CFAP107: variants seen among roughly 807,000 people sequenced by gnomAD.
CFAP107 encodes the protein cilia and flagella associated protein 107.
chr1:12,760,355 G>T, the CFAP107 span, among the ~76,000 whole-genome samples: 1 of 152,208 alleles, frequency 6.6e-6, no homozygotes, highest in South Asian at 2.1e-4. Context: ...GATGCAAAGG[G>T]ACACAGGTCA....
At chr1:12,759,422 C>T in the CFAP107 span, 1 of 1,614,158 alleles carries the variant, frequency 6.2e-7, no homozygotes, top group Non-Finnish European at 8.5e-7. Flanking sequence ...GGGCTGCCTC[C>T]ACTCCGCACT....
the CFAP107 span, chr1:12,760,858 A>G: frequency 6.2e-7 from 1 of 1,614,088 alleles, no homozygotes; most frequent in Non-Finnish European, 8.5e-7. Context: ...CTTATACTTC[A>G]TCCTACCCCA....
chr1:12,757,909 C>T, the CFAP107 span, among the ~76,000 whole-genome samples: 1 of 152,128 alleles, frequency 6.6e-6, no homozygotes, highest in Non-Finnish European at 1.5e-5. Flanking sequence ...CAACCGCCTC[C>T]TTTATCTAAT....
At chr1:12,759,637 G>A in the CFAP107 span, 1 of 863,006 alleles carries the variant, frequency 1.2e-6, no homozygotes, top group Non-Finnish European at 1.9e-6. Context: ...GAGTTCTATT[G>A]TACCCTCAGG....
chr1:12,759,518 G>A, the CFAP107 span: 31 of 1,613,288 alleles, frequency 1.9e-5, no homozygotes, highest in South Asian at 3.3e-5. Flanking sequence ...ATTCCTCTGC[G>A]TTGGTCTGTA....
At chr1:12,762,889 T>TA in the CFAP107 span, 116,804 of 152,288 alleles carry the variant, frequency 0.77, 45,815 homozygotes, top group African/African-American at 0.94. Flanking sequence ...GGGCCACACA[T>TA]AAAAAAATGA....
the CFAP107 span, chr1:12,760,802 C>T: frequency 1.2e-6 from 2 of 1,613,972 alleles, no homozygotes; most frequent in African/African-American, 2.7e-5. Context: ...CTATGAGCAG[C>T]TCAAGCAGAG....
At chr1:12,760,715 A>G in the CFAP107 span, 1 of 1,549,336 alleles carries the variant, frequency 6.5e-7, no homozygotes, top group Non-Finnish European at 8.8e-7. Flanking sequence ...TTGGCCATTT[A>G]GAGCAAGACT....
At chr1:12,756,252 G>T in the CFAP107 span, among the ~76,000 whole-genome samples, 1 of 152,188 alleles carries the variant, frequency 6.6e-6, no homozygotes, top group Admixed American at 6.5e-5. Context: ...ACACCGTATT[G>T]ACTGGGCACT....
chr1:12,759,178 T>C, the CFAP107 span: 3 of 992,486 alleles, frequency 3.0e-6, no homozygotes, highest in East Asian at 2.4e-5. Context: ...TGAAGACCCT[T>C]TGCCAGCCCA....
the CFAP107 span, chr1:12,755,589 A>G: frequency 1.3e-6 from 1 of 753,912 alleles, no homozygotes; most frequent in Non-Finnish European, 2.4e-6. Context: ...CCAGGGGTTT[A>G]TATTTACCTT....
the CFAP107 span, chr1:12,759,604 C>T: frequency 8.6e-7 from 1 of 1,159,332 alleles, no homozygotes; most frequent in Non-Finnish European, 1.3e-6. Flanking sequence ...TCCAGGAGAG[C>T]AGCGGATGAC....
chr1:12,749,886 A>G, the CFAP107 span, among the ~76,000 whole-genome samples: 1 of 152,224 alleles, frequency 6.6e-6, no homozygotes, highest in South Asian at 2.1e-4. Flanking sequence ...AAAGGACATT[A>G]GACAGTAACT....
chr1:12,746,471 C>T, the CFAP107 span: 19 of 1,613,614 alleles, frequency 1.2e-5, no homozygotes, highest in Middle Eastern at 1.6e-4. Flanking sequence ...CTCTCTACTC[C>T]GAGCTGGCAG....
At chr1:12,759,282 A>G in the CFAP107 span, 2 of 1,609,182 alleles carry the variant, frequency 1.2e-6, no homozygotes, top group Non-Finnish European at 1.7e-6. Flanking sequence ...TCCTATCAGT[A>G]ACGAGCCCAC....
the CFAP107 span, among the ~76,000 whole-genome samples, chr1:12,748,395 G>A: frequency 6.6e-6 from 1 of 150,380 alleles, no homozygotes; most frequent in Non-Finnish European, 1.5e-5. Flanking sequence ...AGTCGAAGAA[G>A]AAGCAGGGGT....
chr1:12,757,325 TTTTTC>T, the CFAP107 span, among the ~76,000 whole-genome samples: 55 of 148,476 alleles, frequency 3.7e-4, 1 homozygote, highest in African/African-American at 1.2e-3. Flanking sequence ...TTCATTTCTT[TTTTTC>T]TTTTCTTTTC....
the CFAP107 span, chr1:12,759,215 C>A: frequency 2.1e-6 from 3 of 1,423,228 alleles, no homozygotes; most frequent in African/African-American, 1.4e-5. Context: ...CCATCAGCAC[C>A]ACAGACCCCT....
the CFAP107 span, among the ~76,000 whole-genome samples, chr1:12,751,799 G>T: frequency 6.6e-6 from 1 of 152,164 alleles, no homozygotes; most frequent in East Asian, 1.9e-4. Flanking sequence ...GACATAAAAA[G>T]ATAATAAGAG....
Sources: gnomAD v4.1 joint callset for allele counts (sites outside exome capture counted in the v4.1 genomes callset) on GRCh38, gnomAD v4.1.1 for gene constraint, MANE v1.5 for transcripts, NCBI Gene and HGNC (gene_info 2026-07-23, HGNC 2026-07-21) for gene names.